The following FHIT variants were observed in gnomAD, a reference collection of about 807,000 sequenced individuals.
The protein encoded by FHIT is bis(5'-adenosyl)-triphosphatase.
A neutral mutation model predicts 17.9 loss-of-function variants in FHIT; 19 were observed. The ratio of observed to expected loss-of-function variants is 1.06; its 90% confidence interval spans 0.74 to 1.56. The LOEUF (loss-of-function observed/expected upper bound fraction) is 1.56. Ranked by LOEUF, FHIT falls within the 40% of genes most tolerant of loss-of-function variation. The pLI is 0.00. For missense variants in FHIT, 248 were observed against 189.2 expected (o/e 1.31, Z -1.82); for synonymous variants, 81 against 69.7 (o/e 1.16, Z -0.81).
intron 7 of FHIT, among the ~76,000 whole-genome samples, chr3:59,964,518 G>A: frequency 6.6e-6 from 1 of 152,112 alleles, no homozygotes; most frequent in East Asian, 1.9e-4. Flanking sequence ...TAGAAGGCTA[G>A]TGACTTAAGA....
chr3:60,446,428 G>C (rs1485667005), intron 5 of FHIT, among the ~76,000 whole-genome samples: 1 of 152,136 alleles, frequency 6.6e-6, no homozygotes, highest in East Asian at 1.9e-4. Context: ...CTCAAAGCTG[G>C]TTAGTGTTTT....
intron 5 of FHIT, among the ~76,000 whole-genome samples, chr3:60,304,381 C>T (rs1708581423): frequency 6.6e-6 from 1 of 151,962 alleles, no homozygotes; most frequent in African/African-American, 2.4e-5. Flanking sequence ...GAGCAAATGA[C>T]CACCACACCT....
chr3:60,204,980 C>A (rs1385092649), intron 5 of FHIT, among the ~76,000 whole-genome samples: 1 of 151,804 alleles, frequency 6.6e-6, no homozygotes, highest in Non-Finnish European at 1.5e-5. Context: ...CCAGTAGTGT[C>A]AGCTACTCAG....
At position 60,866,862 on chromosome 3, in the gene FHIT, A is replaced by G. The variant is rs1452886390; in HGVS notation, c.-110-44851T>C. 2.6e-5 allele frequency among the ~76,000 whole-genome samples: 4 copies of G among 152,062 alleles called. No homozygotes were observed. In the East Asian group the frequency reaches 7.8e-4, roughly 29 times the overall value. ...ATCCATTATTGCAGTCTCCCTTCCCATGCTTGATGAATAACTGGGTTCCTG... is the reference window on the plus strand; with the variant it reads ...ATCCATTATTGCAGTCTCCCTTCCCGTGCTTGATGAATAACTGGGTTCCTG... On this transcript the variant is annotated intron_variant, in intron 3 of 9. Coordinates refer to ENST00000492590, the MANE Select transcript of FHIT (RefSeq NM_002012.4).
At chr3:59,785,659 G>T (rs1453049337) in intron 8 of FHIT, among the ~76,000 whole-genome samples, 1 of 152,152 alleles carries the variant, frequency 6.6e-6, no homozygotes, top group African/African-American at 2.4e-5. Flanking sequence ...GGTAGAAAAA[G>T]AAAGTTTACT....
intron 3 of FHIT, among the ~76,000 whole-genome samples, chr3:60,833,282 G>GA (rs1449604814): frequency 1.3e-5 from 2 of 152,196 alleles, no homozygotes; most frequent in Non-Finnish European, 2.9e-5. Context: ...AGTAGGGAGG[G>GA]AGGCAGTTGG....
chr3:60,934,656 A>C (rs1402713995), intron 3 of FHIT, among the ~76,000 whole-genome samples: 1 of 152,228 alleles, frequency 6.6e-6, no homozygotes, highest in African/African-American at 2.4e-5. Flanking sequence ...GAGAATGCTA[A>C]ATCTCAAAGG....
At chr3:61,133,923 C>A (rs2106964834) in intron 2 of FHIT, among the ~76,000 whole-genome samples, 1 of 152,178 alleles carries the variant, frequency 6.6e-6, no homozygotes, top group South Asian at 2.1e-4. Context: ...CCCATCTCTA[C>A]TAAAAGTACA....
chr3:59,815,320 G>A (rs917456939), intron 8 of FHIT, among the ~76,000 whole-genome samples: 1 of 152,124 alleles, frequency 6.6e-6, no homozygotes, highest in South Asian at 2.1e-4. Context: ...AAACAGTGTG[G>A]AGATTCCTTA....
Position 59,932,897 on chromosome 3 carries a change from T to C in FHIT, c.280-10483A>G, listed in dbSNP as rs1706046388. ...GTCTTCCCTCCCATTCTCCTATCTCTAATTTTTTGCTCCTTGGGCTTCCTC... is the reference window on the plus strand; with the variant it reads ...GTCTTCCCTCCCATTCTCCTATCTCCAATTTTTTGCTCCTTGGGCTTCCTC... On this transcript the variant is annotated intron_variant, in intron 7 of 9. Transcript: ENST00000492590. 2.6e-5 allele frequency among the ~76,000 whole-genome samples: 4 copies of C among 152,126 alleles called. No homozygotes were observed. In the South Asian group the frequency reaches 8.3e-4, roughly 32 times the overall value.
At chr3:61,181,195 C>A (rs1185939849) in intron 2 of FHIT, among the ~76,000 whole-genome samples, 1 of 152,290 alleles carries the variant, frequency 6.6e-6, no homozygotes, top group Non-Finnish European at 1.5e-5. Flanking sequence ...AGCTCCCAAA[C>A]TGGATAAAAT....
At chr3:59,810,740 G>C (rs925341861) in intron 8 of FHIT, among the ~76,000 whole-genome samples, 4 of 152,102 alleles carry the variant, frequency 2.6e-5, no homozygotes, top group Admixed American at 2.6e-4. Context: ...CACTGAAAAG[G>C]TCAACAGCAC....
chr3:60,695,853 T>C (rs1553700520), intron 4 of FHIT, among the ~76,000 whole-genome samples: 2 of 152,140 alleles, frequency 1.3e-5, no homozygotes, highest in African/African-American at 2.4e-5. Context: ...ATGAGGGTTG[T>C]TGTGAGAATT....
chr3:60,435,929 A>G (rs910533959), intron 5 of FHIT, among the ~76,000 whole-genome samples: 1 of 152,090 alleles, frequency 6.6e-6, no homozygotes, highest in Non-Finnish European at 1.5e-5. Context: ...CTGTTCCTGC[A>G]TTCGTTTGCT....
chr3:61,199,650 G>A (rs2038957348), intron 2 of FHIT, among the ~76,000 whole-genome samples: 1 of 152,094 alleles, frequency 6.6e-6, no homozygotes, highest in Non-Finnish European at 1.5e-5. Context: ...CCCAGAAATA[G>A]ATTTGTCAAG....
chr3:60,710,703 G>A (rs983750692), intron 4 of FHIT, among the ~76,000 whole-genome samples: 6 of 152,202 alleles, frequency 3.9e-5, no homozygotes, highest in South Asian at 4.1e-4. Flanking sequence ...ACTGCAAGGC[G>A]GCAGCGAGGC....
rs369960270 is a variant in FHIT at position 59,967,662 on chromosome 3, G to A, written c.279+43709C>T. ...GTGGAAGCTTGGCAAAGGTGTTCAC[G>A]AAGAGCCAGCATGGCTCCCAAAGGC... On this transcript the variant is annotated intron_variant, in intron 7 of 9. Transcript: ENST00000492590. Among the ~76,000 whole-genome samples, 213 of 152,246 alleles carry A rather than the reference G, an allele frequency of 1.4e-3. 2 individuals carry two copies. The highest frequency in any genetic ancestry group is 1.4e-3 in the African/African-American group (57 of 41,566).
chr3:60,292,259 T>C (rs1333825378), intron 5 of FHIT, among the ~76,000 whole-genome samples: 1 of 152,196 alleles, frequency 6.6e-6, no homozygotes, highest in East Asian at 1.9e-4. Context: ...AAAAAGTCTT[T>C]TTTTAAGCAA....
chr3:61,068,677 C>G (rs189100459), intron 2 of FHIT, among the ~76,000 whole-genome samples: 1 of 148,410 alleles, frequency 6.7e-6, no homozygotes, highest in East Asian at 2.0e-4. Flanking sequence ...GCGCATGATT[C>G]TACCTACCAC....
Sources: gnomAD v4.1 joint callset for allele counts (sites outside exome capture counted in the v4.1 genomes callset) on GRCh38, gnomAD v4.1.1 for gene constraint, MANE v1.5 for transcripts, NCBI Gene and HGNC (gene_info 2026-07-23, HGNC 2026-07-21) for gene names.